Variants in CCNE2 observed in about 807,000 individuals in gnomAD.
CCNE2 encodes the protein cyclin E2.
A neutral mutation model predicts 56.8 loss-of-function variants in CCNE2; 18 were observed. The ratio of observed to expected loss-of-function variants is 0.32; its 90% CI spans 0.22 to 0.47. The LOEUF is 0.47. CCNE2 is among the 20% of genes least tolerant of loss of function. The probability of loss-of-function intolerance (pLI) is 1.00; values close to 1 mark genes in which losing one functional copy is unlikely to be tolerated. For missense variants in CCNE2, 371 were observed against 467.1 expected (o/e 0.79, Z 1.90); for synonymous variants, 139 against 149.2 (o/e 0.93, Z 0.50).
At chr8:94,882,999 G>A in intron 9 of CCNE2, 107 bp from the exon 10 acceptor site, 1 of 689,602 alleles carries the variant, frequency 1.5e-6, no homozygotes, top group Non-Finnish European at 2.4e-6. Flanking sequence ...CACCCGGCCA[G>A]GCGCGGTGGC....
At chr8:94,886,835 G>T (rs1027498541) in intron 7 of CCNE2, among the ~76,000 whole-genome samples, 6 of 152,194 alleles carry the variant, frequency 3.9e-5, no homozygotes, top group African/African-American at 1.4e-4. Flanking sequence ...CTCCTGAGAA[G>T]AATTAGAATC....
chr8:94,890,487 G>C lies in CCNE2; in HGVS notation c.381C>G (p.Asp127Glu). 6.2e-7 allele frequency: 1 copy of C among 1,605,158 alleles called. No individual in the cohort carries two copies. Among genetic ancestry groups the C allele is most frequent in the Non-Finnish European group, 8.5e-7 (1 of 1,174,758 alleles). ...CAGAATGCAGAACTTCAAAATGTTT[G>C]TCATGAACATATCTGCTCTCCTTTT... ...MLKKESRYVH[D>E]KHFEVLHSDL... The change falls in exon 6 of 12, where the codon GAC becomes GAG. Residue 127 changes from aspartate (D) to glutamate (E), a missense_variant. By Grantham distance (45) the Asp-to-Glu change is conservative. Transcript: ENST00000308108.
At chr8:94,884,047 G>T (rs1056892739) in intron 9 of CCNE2, 1 of 304,982 alleles carries the variant, frequency 3.3e-6, no homozygotes, top group Non-Finnish European at 7.0e-6. Context: ...TGGGATGCTA[G>T]GAATTCTGGA....
chr8:94,884,216 CAT>C (rs1160271514), intron 9 of CCNE2, among the ~76,000 whole-genome samples: 1 of 152,142 alleles, frequency 6.6e-6, no homozygotes. Flanking sequence ...AAATGTCTTC[CAT>C]ATGTTAGATT....
rs1320369735 is a variant in CCNE2 at position 94,885,084 on chromosome 8, A to T, written c.814T>A (p.Phe272Ile). 10 of 1,613,312 alleles carry T rather than the reference A, an allele frequency of 6.2e-6. No individual in the cohort carries two copies. Among genetic ancestry groups the T allele is most frequent in the Non-Finnish European group, 7.6e-6 (9 of 1,179,436 alleles). The change falls in exon 9 of 12, where the codon TTC becomes ATC. Residue 272 changes from phenylalanine (F) to isoleucine (I), a missense_variant. Phe to Ile is a conservative substitution (Grantham distance 21). Coordinates refer to ENST00000308108, the MANE Select transcript of CCNE2 (RefSeq NM_057749.3). Reference sequence around the variant, plus strand: ...GTCAGTACCTGAGCTATTTGAATGAATGTTTCCTGAGAATACTGAGGTAGA... The same window carrying T: ...GTCAGTACCTGAGCTATTTGAATGATTGTTTCCTGAGAATACTGAGGTAGA... ...VLLPQYSQETFIQIAQLLDLC... is the reference protein window; with the variant it reads ...VLLPQYSQETIIQIAQLLDLC...
In CCNE2 at chr8:94,891,521, G is replaced by A. The variant is rs878913953; in HGVS notation, c.318-971C>T. On this transcript the variant is annotated intron_variant, in intron 5 of 11. Coordinates refer to ENST00000308108, the MANE Select transcript of CCNE2 (RefSeq NM_057749.3). Reference sequence around the variant, plus strand: ...TAAAAATACAAAAAATTAGCTGGGCGTGGTGGCATGCTTGTAATCCCAGCT... The same window carrying A: ...TAAAAATACAAAAAATTAGCTGGGCATGGTGGCATGCTTGTAATCCCAGCT... 30 of 302,456 alleles carry A rather than the reference G, an allele frequency of 9.9e-5. 1 individual carries two copies. The highest frequency in any genetic ancestry group is 2.9e-4 in the South Asian group (10 of 34,012). The allele number at this position is 302,456 out of a possible 1,614,324, so 18.7% of individuals were successfully genotyped here. A position where few individuals can be genotyped will look rare whatever the true frequency, so the allele number is the denominator to read the frequency against.
intron 9 of CCNE2, 160 bp downstream of exon 9, chr8:94,884,906 AC>A (rs781225937): frequency 5.5e-5 from 31 of 568,764 alleles, no homozygotes; most frequent in Non-Finnish European, 7.8e-5. Flanking sequence ...ATATTAAGCA[AC>A]ATAAACACTG....
Position 94,881,389 on chromosome 8 carries a change from A to C in CCNE2, c.*243T>G. 1 of 523,744 alleles carries C rather than the reference A, an allele frequency of 1.9e-6. No homozygotes were observed. Among genetic ancestry groups the C allele is most frequent in the South Asian group, 2.9e-5 (1 of 35,042 alleles). 32.4% of individuals were successfully genotyped at this position (523,744 alleles called of 1,614,324 possible). On this transcript the variant is annotated 3_prime_UTR_variant, in exon 12 of 12. Transcript: ENST00000308108. ...AGACTGTGGTTGGCTTCTATCCAGT[A>C]ACCTTGGGAATGAAGACATCTTTGT...
intron 9 of CCNE2, chr8:94,883,778 A>G (rs1474266898): frequency 1.9e-5 from 7 of 373,056 alleles, no homozygotes; most frequent in Non-Finnish European, 2.9e-5. Context: ...AATCTAGGCA[A>G]TAAGAGCTGA....
chr8:94,894,519 T>G, intron 1 of CCNE2: 1 of 434,122 alleles, frequency 2.3e-6, no homozygotes, highest in Non-Finnish European at 4.2e-6. Context: ...GGGAGGCACA[T>G]CTTCCTCAAA....
intron 4 of CCNE2, 106 bp downstream of exon 4, chr8:94,893,784 TA>T: frequency 1.7e-6 from 2 of 1,199,476 alleles, no homozygotes; most frequent in African/African-American, 1.5e-5. Context: ...GCATTAAAAG[TA>T]AAAGTGTCAG....
chr8:94,880,776 T>A lies in CCNE2; in HGVS notation c.*856A>T, dbSNP rs947717752. 1 of 397,722 alleles carries A rather than the reference T, an allele frequency of 2.5e-6. No individual in the cohort carries two copies. The highest frequency in any genetic ancestry group is 4.4e-6 in the Non-Finnish European group (1 of 225,398). The allele number at this position is 397,722 out of a possible 1,614,324, so 24.6% of individuals were successfully genotyped here. On this transcript the variant is annotated 3_prime_UTR_variant, in exon 12 of 12. Coordinates refer to ENST00000308108, the MANE Select transcript of CCNE2 (RefSeq NM_057749.3). Reference sequence around the variant, plus strand: ...AGTCACACTAAATTAAAAAAAAAAATTCCTTAGGGATATCTTAGAGTAGTA... The same window carrying A: ...AGTCACACTAAATTAAAAAAAAAAAATCCTTAGGGATATCTTAGAGTAGTA...
intron 9 of CCNE2, 94 bp from the exon 10 acceptor site, chr8:94,882,986 C>T (rs1816884471): frequency 1.2e-5 from 10 of 835,076 alleles, no homozygotes; most frequent in Non-Finnish European, 1.9e-5. Flanking sequence ...ATAAATAAGC[C>T]ACCACCCGGC....
chr8:94,881,586 C>G lies in CCNE2; in HGVS notation c.*46G>C. 6.2e-7 allele frequency: 1 copy of G among 1,601,576 alleles called. No individual in the cohort carries two copies. The highest frequency in any genetic ancestry group is 8.5e-7 in the Non-Finnish European group (1 of 1,172,936). On this transcript the variant is annotated 3_prime_UTR_variant, in exon 12 of 12. Coordinates refer to ENST00000308108, the MANE Select transcript of CCNE2 (RefSeq NM_057749.3). Reference sequence around the variant, plus strand: ...CTTTAGTAGTTCAGTGATACCAGTTCTACCCAATCTTGGTGAATTCCAACT... The same window carrying G: ...CTTTAGTAGTTCAGTGATACCAGTTGTACCCAATCTTGGTGAATTCCAACT...
intron 5 of CCNE2, among the ~76,000 whole-genome samples, chr8:94,892,481 CCTTT>C (rs774643080): frequency 2.7e-4 from 41 of 152,254 alleles, no homozygotes; most frequent in Non-Finnish European, 4.4e-4. Flanking sequence ...GGAAAAGCTT[CCTTT>C]GAGTTGAAGC....
intron 9 of CCNE2, chr8:94,883,705 T>A (rs1283684064): frequency 7.6e-6 from 2 of 261,924 alleles, no homozygotes; most frequent in Non-Finnish European, 1.6e-5. Flanking sequence ...TAGAATGCAG[T>A]GAAGCAGACA....
chr8:94,894,183 A>T (rs761287829), intron 2 of CCNE2, 25 bp downstream of exon 2: 7 of 1,613,900 alleles, frequency 4.3e-6, no homozygotes, highest in Non-Finnish European at 5.9e-6. Flanking sequence ...AATTTGAAAC[A>T]TGTCTCTAAG....
In CCNE2 at chr8:94,880,680, C is replaced by G. The variant is rs1816773849; in HGVS notation, c.*952G>C. 1 of 393,668 alleles carries G rather than the reference C, an allele frequency of 2.5e-6. No individual in the cohort carries two copies. Among genetic ancestry groups the G allele is most frequent in the African/African-American group, 2.1e-5 (1 of 48,430 alleles). The allele number at this position is 393,668 out of a possible 1,614,324, so 24.4% of individuals were successfully genotyped here. ...CAAGTGTTAAGCTTTATCACTTTGA[C>G]ACTGTCCTTATCTCACAATGGAGGA... is the stretch of plus-strand genomic sequence containing the variant. On this transcript the variant is annotated 3_prime_UTR_variant, in exon 12 of 12. Coordinates refer to ENST00000308108, the MANE Select transcript of CCNE2 (RefSeq NM_057749.3).
upstream of CCNE2, among the ~76,000 whole-genome samples, chr8:94,895,565 G>A (rs1025954079): frequency 3.3e-5 from 5 of 152,186 alleles, no homozygotes; most frequent in African/African-American, 1.2e-4. Flanking sequence ...CTGCGGCTCA[G>A]CCCGGGCGCA....
Sources: allele counts gnomAD v4.1 joint callset (sites outside exome capture counted in the v4.1 genomes callset), GRCh38; gene constraint gnomAD v4.1.1; transcripts MANE v1.5; gene names NCBI Gene and HGNC (gene_info 2026-07-23, HGNC 2026-07-21).